Variants in HIPK2 observed in about 807,000 individuals in gnomAD.
HIPK2 encodes the protein homeodomain interacting protein kinase 2, also known as homeodomain-interacting protein kinase 2.
HIPK2 carries 27 observed loss-of-function variants against 113.7 expected under a neutral mutation model. That is an observed-to-expected ratio of 0.24 (90% CI 0.17 to 0.33). The LOEUF is 0.33. HIPK2 is among the 10% of genes least tolerant of loss of function. HIPK2 has a pLI of 1.00. For synonymous variants in HIPK2, 631 were observed against 642.2 expected (o/e 0.98, Z 0.26); for missense variants, 1,257 against 1,588.0 (o/e 0.79, Z 3.54).
Position 139,614,377 on chromosome 7 carries a change from C to T in HIPK2, c.1899G>A (p.Arg633=). 1 of 1,584,240 alleles carries T rather than the reference C, an allele frequency of 6.3e-7. No homozygotes were observed. Among genetic ancestry groups the T allele is most frequent in the East Asian group, 2.3e-5 (1 of 43,426 alleles). Reference sequence around the variant, plus strand: ...CTGTTCCTGTCTGCAGGGGCATGCTCCGCTGGGCCACTGCAGCCATGGATG... The same window carrying T: ...CTGTTCCTGTCTGCAGGGGCATGCTTCGCTGGGCCACTGCAGCCATGGATG... ...SAASMAAVAQ[R]SMPLQTGTAQ... Residue 633 remains arginine (R), a synonymous_variant, in exon 8 of 15, where the codon CGG becomes CGA. Coordinates refer to ENST00000406875, the MANE Select transcript of HIPK2 (RefSeq NM_022740.5).
At chr7:139,605,604 TGA>T (rs1569452178) in intron 9 of HIPK2, among the ~76,000 whole-genome samples, 1 of 152,166 alleles carries the variant, frequency 6.6e-6, no homozygotes, top group Non-Finnish European at 1.5e-5. Flanking sequence ...CTTATAAAAA[TGA>T]GAGAATCACA....
chr7:139,663,655 T>C (rs372318880), intron 2 of HIPK2, among the ~76,000 whole-genome samples: 1 of 152,198 alleles, frequency 6.6e-6, no homozygotes, highest in East Asian at 1.9e-4. Flanking sequence ...CAACGGCAAC[T>C]GTAAATAGCT....
At chr7:139,602,060 C>G (rs995048987) in intron 10 of HIPK2, among the ~76,000 whole-genome samples, 2 of 147,350 alleles carry the variant, frequency 1.4e-5, no homozygotes, top group Admixed American at 7.0e-5. Context: ...TCAAGCGATT[C>G]TCCTGCCTCA....
At chr7:139,730,393 C>T (rs1271292296) in intron 1 of HIPK2, among the ~76,000 whole-genome samples, 1 of 151,772 alleles carries the variant, frequency 6.6e-6, no homozygotes, top group East Asian at 1.9e-4. Flanking sequence ...CAAAGTCTCA[C>T]TCTGTCGCCC....
intron 1 of HIPK2, among the ~76,000 whole-genome samples, chr7:139,758,255 A>G (rs1209049771): frequency 6.6e-6 from 1 of 152,210 alleles, no homozygotes; most frequent in African/African-American, 2.4e-5. Context: ...AAGATGATAT[A>G]AATTTCAAAC....
chr7:139,713,849 C>A (rs1032321426), intron 2 of HIPK2, among the ~76,000 whole-genome samples: 1 of 152,230 alleles, frequency 6.6e-6, no homozygotes, highest in African/African-American at 2.4e-5. Context: ...GTACCCGGGA[C>A]GGCCACCAGA....
chr7:139,584,199 C>A (rs1002659896), intron 12 of HIPK2, 135 bp from the exon 13 acceptor site: 1 of 1,191,918 alleles, frequency 8.4e-7, no homozygotes, highest in East Asian at 2.4e-5. Flanking sequence ...CCTCCCTAAC[C>A]CCCATAGGGA....
intron 2 of HIPK2, among the ~76,000 whole-genome samples, chr7:139,651,132 C>T (rs868353388): frequency 3.3e-5 from 5 of 152,296 alleles, no homozygotes; most frequent in Middle Eastern, 6.8e-3. Flanking sequence ...GTCAGCACCC[C>T]CTGATACCCA....
chr7:139,744,567 A>G (rs1185545244), intron 1 of HIPK2, among the ~76,000 whole-genome samples: 3 of 152,266 alleles, frequency 2.0e-5, no homozygotes, highest in African/African-American at 4.8e-5. Flanking sequence ...ACTTTCCGGT[A>G]TGTGAGTTAT....
Position 139,572,791 on chromosome 7 carries a change from C to CCCCCCA in HIPK2, c.*135_*136insTGGGGG. The CCCCCCA allele has an allele frequency of 5.1e-6, 1 of 196,844 alleles. No homozygotes were observed. The highest frequency in any genetic ancestry group is 9.6e-6 in the Non-Finnish European group (1 of 103,860). The allele number at this position is 196,844 out of a possible 1,614,324, so 12.2% of individuals were successfully genotyped here. A position where few individuals can be genotyped will look rare whatever the true frequency, so the allele number is the denominator to read the frequency against. ...CCCCCCCCCCCCCCCCGCCCCTGCC[C>CCCCCCA]CGTTTGCATTGTTTGTGTGCGGCAT... On this transcript the variant is annotated 3_prime_UTR_variant, in exon 15 of 15. Coordinates refer to ENST00000406875, the MANE Select transcript of HIPK2 (RefSeq NM_022740.5).
chr7:139,588,683 C>T (rs1156936091), intron 12 of HIPK2, among the ~76,000 whole-genome samples: 3 of 151,976 alleles, frequency 2.0e-5, no homozygotes, highest in South Asian at 2.1e-4. Context: ...AGGCTGAGGA[C>T]GAGGAGGGAG....
intron 2 of HIPK2, among the ~76,000 whole-genome samples, chr7:139,702,153 G>A (rs1305238806): frequency 1.3e-5 from 2 of 152,186 alleles, no homozygotes; most frequent in Non-Finnish European, 2.9e-5. Flanking sequence ...ACGAGACAGC[G>A]GCGGGAGAGG....
intron 1 of HIPK2, among the ~76,000 whole-genome samples, chr7:139,773,451 C>T (rs1796687299): frequency 6.6e-6 from 1 of 152,146 alleles, no homozygotes; most frequent in Non-Finnish European, 1.5e-5. Context: ...TGACACCAAC[C>T]CAAAGTCCTT....
chr7:139,750,953 G>A (rs778808275), intron 1 of HIPK2, among the ~76,000 whole-genome samples: 24 of 152,220 alleles, frequency 1.6e-4, no homozygotes, highest in Non-Finnish European at 2.9e-4. Flanking sequence ...AAGTAGCAAT[G>A]TAAGGGACTT....
rs534028639 is a variant in HIPK2 at position 139,606,095 on chromosome 7, G to A, written c.2113-1872C>T. Among the ~76,000 whole-genome samples, 7 of 152,290 alleles carry A rather than the reference G, an allele frequency of 4.6e-5. No individual in the cohort carries two copies. The East Asian group carries it at 1.3e-3, about 29-fold the overall frequency. On this transcript the variant is annotated intron_variant, in intron 9 of 14. Transcript: ENST00000406875. ...CATTTTACCTCAAAGAGATAGGGTA[G>A]AAAGACTATTTTTGACTTATTTCAC...
intron 2 of HIPK2, among the ~76,000 whole-genome samples, chr7:139,640,012 C>T (rs1241859686): frequency 1.3e-5 from 2 of 152,220 alleles, no homozygotes; most frequent in East Asian, 1.9e-4. Context: ...TGAGCATTTC[C>T]AGGTTCTGTC....
chr7:139,754,688 G>A (rs1796336724), intron 1 of HIPK2, among the ~76,000 whole-genome samples: 1 of 152,150 alleles, frequency 6.6e-6, no homozygotes, highest in African/African-American at 2.4e-5. Context: ...AAGAGCCTGA[G>A]AAAACACCAT....
intron 2 of HIPK2, among the ~76,000 whole-genome samples, chr7:139,641,906 TACTC>T (rs2116384498): frequency 6.6e-6 from 1 of 152,364 alleles, no homozygotes; most frequent in East Asian, 1.9e-4. Context: ...GGAAAAATGT[TACTC>T]AATTTCTCTG....
intron 12 of HIPK2, among the ~76,000 whole-genome samples, chr7:139,585,747 G>T (rs907602473): frequency 2.0e-5 from 3 of 152,210 alleles, no homozygotes; most frequent in African/African-American, 7.2e-5. Context: ...CTTCTTACAA[G>T]TTGTGTTACC....
Sources: allele counts gnomAD v4.1 joint callset (sites outside exome capture counted in the v4.1 genomes callset), GRCh38; gene constraint gnomAD v4.1.1; transcripts MANE v1.5; gene names NCBI Gene and HGNC (gene_info 2026-07-23, HGNC 2026-07-21).